PVT1: variants seen among roughly 807,000 people sequenced by gnomAD.
PVT1 encodes Pvt1 oncogene.
intron 3 of PVT1, among the ~76,000 whole-genome samples, chr8:127,959,525 C>T (rs1432772028): frequency 7.1e-6 from 1 of 141,556 alleles, no homozygotes; most frequent in Non-Finnish European, 1.5e-5. Context: ...GCAGAGGTTG[C>T]AGTTAGCCGA....
At position 127,960,939 on chromosome 8, in the gene PVT1, GGGGT is replaced by G. The variant is rs1436491143; in HGVS notation, n.783-28219_783-28216del. 2.0e-3 allele frequency among the ~76,000 whole-genome samples: 245 copies of G among 121,030 alleles called. 5 individuals are homozygous for G. The highest frequency in any genetic ancestry group is 7.8e-3 in the African/African-American group (231 of 29,760). 79.4% of individuals were successfully genotyped at this position (121,030 alleles called of 152,430 possible). A position where few individuals can be genotyped will look rare whatever the true frequency, so the allele number is the denominator to read the frequency against. ...TTTTGTTCTCTTGTGTGTGTGTTTGGGGGTGGGGGGGGCGGGCGGGCACGAATAG... is the reference window on the plus strand; with the variant it reads ...TTTTGTTCTCTTGTGTGTGTGTTTGGGGGGGGGGCGGGCGGGCACGAATAG... On this transcript the variant is annotated intron_variant and non_coding_transcript_variant, in intron 3 of 10. Transcript: ENST00000651587.
At chr8:127,811,187 C>G (rs927300967) in intron 2 of PVT1, among the ~76,000 whole-genome samples, 1 of 152,192 alleles carries the variant, frequency 6.6e-6, no homozygotes, top group Non-Finnish European at 1.5e-5. Context: ...CTCCCCTGGT[C>G]CCTTTTCTCT....
At chr8:127,991,188 G>T (rs1162444778) in intron 4 of PVT1, among the ~76,000 whole-genome samples, 3 of 143,118 alleles carry the variant, frequency 2.1e-5, no homozygotes, top group Admixed American at 1.4e-4. Context: ...TGTCACCCAG[G>T]CTGGAGTGCA....
At chr8:127,821,407 T>A (rs149866090) in intron 2 of PVT1, among the ~76,000 whole-genome samples, 2 of 152,332 alleles carry the variant, frequency 1.3e-5, no homozygotes, top group East Asian at 3.9e-4. Context: ...TTTGAAATAT[T>A]GATTACATGT....
At chr8:128,025,157 G>A (rs887832509) in intron 4 of PVT1, among the ~76,000 whole-genome samples, 1 of 152,218 alleles carries the variant, frequency 6.6e-6, no homozygotes, top group Admixed American at 6.5e-5. Flanking sequence ...CCAGGCAGGA[G>A]CCCTACTTGG....
intron 2 of PVT1, among the ~76,000 whole-genome samples, chr8:127,861,110 A>T (rs554092376): frequency 1.3e-5 from 2 of 150,976 alleles, no homozygotes; most frequent in East Asian, 3.9e-4. Context: ...TTTTCCTTCT[A>T]CCCTTCCATG....
chr8:128,081,661 A>T (rs900293598), intron 5 of PVT1, among the ~76,000 whole-genome samples: 1 of 152,180 alleles, frequency 6.6e-6, no homozygotes, highest in Admixed American at 6.5e-5. Flanking sequence ...CACATCCCCT[A>T]TCACTGCTCT....
At chr8:128,006,121 T>G (rs1002550638) in intron 4 of PVT1, among the ~76,000 whole-genome samples, 4 of 128,804 alleles carry the variant, frequency 3.1e-5, no homozygotes, top group African/African-American at 1.1e-4. Flanking sequence ...ATAATAATAA[T>G]AATAATAATA....
At chr8:128,078,636 G>A (rs763000884) in intron 5 of PVT1, among the ~76,000 whole-genome samples, 19 of 152,080 alleles carry the variant, frequency 1.2e-4, no homozygotes, top group Non-Finnish European at 2.2e-4. Context: ...TGTAGGAATC[G>A]TAGACTATAT....
chr8:127,952,890 A>G (rs891861973), intron 3 of PVT1, among the ~76,000 whole-genome samples: 2 of 151,918 alleles, frequency 1.3e-5, no homozygotes, highest in African/African-American at 4.8e-5. Flanking sequence ...TCAGCCTCCC[A>G]AGTAGCTGGG....
intron 4 of PVT1, among the ~76,000 whole-genome samples, chr8:128,009,376 T>C (rs1458479716): frequency 6.6e-6 from 1 of 152,184 alleles, no homozygotes; most frequent in African/African-American, 2.4e-5. Flanking sequence ...TAAGAACAAG[T>C]ATCTTTATAT....
At chr8:127,914,208 C>G (rs1815948239) in intron 3 of PVT1, among the ~76,000 whole-genome samples, 1 of 131,918 alleles carries the variant, frequency 7.6e-6, no homozygotes, top group South Asian at 2.4e-4. Flanking sequence ...CCATGAGATA[C>G]CCCTTCATAC....
At chr8:127,953,795 T>TC (rs1488993288) in intron 3 of PVT1, among the ~76,000 whole-genome samples, 1 of 152,202 alleles carries the variant, frequency 6.6e-6, no homozygotes, top group Non-Finnish European at 1.5e-5. Context: ...ACATTTTTTT[T>TC]CTTCTTTTCT....
intron 2 of PVT1, among the ~76,000 whole-genome samples, chr8:127,843,323 C>G (rs992595672): frequency 5.3e-5 from 8 of 152,160 alleles, no homozygotes; most frequent in African/African-American, 7.2e-5. Flanking sequence ...CCAGCTTGCG[C>G]AACAGAGCGA....
intron 3 of PVT1, among the ~76,000 whole-genome samples, chr8:127,976,130 A>G (rs532457446): frequency 6.6e-6 from 1 of 152,322 alleles, no homozygotes; most frequent in Non-Finnish European, 1.5e-5. Flanking sequence ...CTCAGGGGGA[A>G]TAAAAGGATG....
chr8:127,947,957 C>A (rs746870704), intron 3 of PVT1: 1 of 456,850 alleles, frequency 2.2e-6, no homozygotes, highest in South Asian at 1.5e-5. Flanking sequence ...AGCTTTTCTG[C>A]AGAGCCTGTG....
At chr8:128,090,892 G>T (rs1563684752) in intron 5 of PVT1, among the ~76,000 whole-genome samples, 1 of 152,114 alleles carries the variant, frequency 6.6e-6, no homozygotes, top group Non-Finnish European at 1.5e-5. Flanking sequence ...CCTTCCTGCG[G>T]CATGGAGGTC....
intron 2 of PVT1, among the ~76,000 whole-genome samples, chr8:127,870,246 A>G (rs79418770): frequency 8.7e-4 from 132 of 152,366 alleles, no homozygotes; most frequent in African/African-American, 3.0e-3. Flanking sequence ...GGAGAAGGCC[A>G]TGTGACCACA....
chr8:128,049,530 C>T (rs767745001), intron 4 of PVT1, among the ~76,000 whole-genome samples: 5 of 152,186 alleles, frequency 3.3e-5, no homozygotes, highest in Non-Finnish European at 7.3e-5. Flanking sequence ...TGGGGAGCTT[C>T]CGTGGGCCCC....
Sources: allele counts gnomAD v4.1 joint callset (sites outside exome capture counted in the v4.1 genomes callset), GRCh38; gene constraint gnomAD v4.1.1; transcripts MANE v1.5; gene names NCBI Gene and HGNC (gene_info 2026-07-23, HGNC 2026-07-21).